The following PCED1B variants were observed in gnomAD, a reference collection of about 807,000 sequenced individuals.
PCED1B encodes PC-esterase domain-containing protein 1B.
For synonymous variants in PCED1B, 251 were observed against 246.1 expected (o/e 1.02, Z -0.19); for missense variants, 573 against 573.9 (o/e 1.00, Z 0.02).
At chr12:47,150,009 A>T (rs1442574519) in intron 2 of PCED1B, among the ~76,000 whole-genome samples, 1 of 152,236 alleles carries the variant, frequency 6.6e-6, no homozygotes, top group Non-Finnish European at 1.5e-5. Context: ...GATTAAGTCA[A>T]CAAATGTTTG....
intron 3 of PCED1B, among the ~76,000 whole-genome samples, chr12:47,232,173 G>A (rs576268278): frequency 6.6e-6 from 1 of 152,258 alleles, no homozygotes; most frequent in African/African-American, 2.4e-5. Flanking sequence ...AAAGGGATTT[G>A]GAGTTTGCTT....
At chr12:47,197,170 C>T (rs1302448033) in intron 2 of PCED1B, among the ~76,000 whole-genome samples, 47 of 124,346 alleles carry the variant, frequency 3.8e-4, no homozygotes, top group Admixed American at 2.0e-4. Context: ...ACTTGGGAGG[C>T]GGAGGTTGCA....
At chr12:47,127,766 G>A (rs972454025) in intron 2 of PCED1B, among the ~76,000 whole-genome samples, 1 of 152,180 alleles carries the variant, frequency 6.6e-6, no homozygotes, top group African/African-American at 2.4e-5. Context: ...GGCTTAGAAT[G>A]TTGCCTATCA....
chr12:47,134,859 T>C (rs1450799473), intron 2 of PCED1B, among the ~76,000 whole-genome samples: 1 of 152,196 alleles, frequency 6.6e-6, no homozygotes, highest in African/African-American at 2.4e-5. Context: ...AGAGTGAGAC[T>C]CTATCTCAAA....
chr12:47,114,080 T>C (rs982891820), intron 2 of PCED1B, among the ~76,000 whole-genome samples: 4 of 152,196 alleles, frequency 2.6e-5, no homozygotes, highest in African/African-American at 9.7e-5. Flanking sequence ...AGGACTTAGA[T>C]AATTGACTAC....
intron 3 of PCED1B, among the ~76,000 whole-genome samples, chr12:47,227,236 A>G (rs1943659036): frequency 6.6e-6 from 1 of 151,986 alleles, no homozygotes; most frequent in Non-Finnish European, 1.5e-5. Flanking sequence ...AGATGGCAAG[A>G]TCTCGGCTCA....
chr12:47,147,035 C>G (rs4529959), intron 2 of PCED1B, among the ~76,000 whole-genome samples: 66,661 of 132,634 alleles, frequency 0.5, 18,441 homozygotes, highest in Non-Finnish European at 0.61. Flanking sequence ...GAGTCTTGCT[C>G]TGTTGCCCAG....
Position 47,235,077 on chromosome 12 carries a change from G to C in PCED1B, c.14G>C (p.Arg5Pro). The C allele has an allele frequency of 6.6e-7, 1 of 1,525,892 alleles. No homozygotes were observed. The highest frequency in any genetic ancestry group is 1.3e-5 in the South Asian group (1 of 76,006). The allele number at this position is 1,525,892 out of a possible 1,614,324, so 94.5% of individuals were successfully genotyped here. The change falls in exon 4 of 4, where the codon CGG (arginine) becomes CCG (proline). Residue 5 changes from arginine to proline, a missense_variant. Coordinates refer to ENST00000546455, the MANE Select transcript of PCED1B (RefSeq NM_138371.3). ...GCCCTGGGCGTCATGATCCTTCTGC[G>C]GGCCTCCGAAGTGCGGCAGCTGCTT... is the stretch of plus-strand genomic sequence containing the variant. The part of the protein sequence containing the change: MILL[R>P]ASEVRQLLHN...
In PCED1B at chr12:47,192,161, C is replaced by CTT. The variant is rs145687998; in HGVS notation, c.-525-24051_-525-24050dup. Among the ~76,000 whole-genome samples the CTT allele has an allele frequency of 5.9e-3, 776 of 130,488 alleles. 28 individuals carry two copies. Among genetic ancestry groups the CTT allele is most frequent in the African/African-American group, 0.018 (618 of 33,736 alleles). 85.6% of individuals were successfully genotyped at this position (130,488 alleles called of 152,430 possible). ...AACTATTTCAAAAATGGAGGCTACG[C>CTT]TTTTTTTTTTTGTTTTTTTTTTTTT... On this transcript the variant is annotated intron_variant, in intron 2 of 3. Transcript: ENST00000546455.
chr12:47,229,081 G>C (rs1226283877), intron 3 of PCED1B, among the ~76,000 whole-genome samples: 2 of 151,800 alleles, frequency 1.3e-5, no homozygotes, highest in African/African-American at 2.4e-5. Context: ...AACTTCTTAA[G>C]TATGGGTTGA....
At chr12:47,173,116 C>G (rs145259200) in intron 2 of PCED1B, among the ~76,000 whole-genome samples, 88 of 152,288 alleles carry the variant, frequency 5.8e-4, no homozygotes, top group African/African-American at 2.1e-3. Flanking sequence ...CACAGAATGA[C>G]CTATCAGGCA....
At chr12:47,203,963 T>C (rs1395753804) in intron 2 of PCED1B, among the ~76,000 whole-genome samples, 1 of 152,222 alleles carries the variant, frequency 6.6e-6, no homozygotes, top group Non-Finnish European at 1.5e-5. Flanking sequence ...TTCTTTTGTG[T>C]AAAAGCATTC....
In PCED1B at chr12:47,236,601, C is replaced by T. The variant is rs1261603069; in HGVS notation, c.*239C>T. ...TGACCCAGCGTTATTCCTGCCTCCT[C>T]ACTCCTATTCTCTTTGCCTTTGTGT... On this transcript the variant is annotated 3_prime_UTR_variant, in exon 4 of 4. Coordinates refer to ENST00000546455, the MANE Select transcript of PCED1B (RefSeq NM_138371.3). 11 of 451,268 alleles carry T rather than the reference C, an allele frequency of 2.4e-5. No homozygotes were observed. The highest frequency in any genetic ancestry group is 2.4e-4 in the Admixed American group (6 of 25,246). The allele number at this position is 451,268 out of a possible 1,614,324, so 28.0% of individuals were successfully genotyped here. A position where few individuals can be genotyped will look rare whatever the true frequency, so the allele number is the denominator to read the frequency against.
chr12:47,153,765 G>A (rs866178353), intron 2 of PCED1B, among the ~76,000 whole-genome samples: 2 of 152,038 alleles, frequency 1.3e-5, no homozygotes, highest in Admixed American at 6.6e-5. Context: ...TAAATAATAT[G>A]TATGTCTCTG....
intron 2 of PCED1B, among the ~76,000 whole-genome samples, chr12:47,123,415 G>T (rs928600811): frequency 6.6e-6 from 1 of 151,950 alleles, no homozygotes; most frequent in Admixed American, 6.6e-5. Context: ...TTCAAACAAA[G>T]GTGCTTAATT....
intron 2 of PCED1B, among the ~76,000 whole-genome samples, chr12:47,205,331 GT>G (rs1214817983): frequency 6.6e-6 from 1 of 152,180 alleles, no homozygotes; most frequent in Non-Finnish European, 1.5e-5. Flanking sequence ...CTGATCTTAG[GT>G]TTTATTATAG....
At chr12:47,162,930 TA>T (rs1941433488) in intron 2 of PCED1B, among the ~76,000 whole-genome samples, 1 of 152,218 alleles carries the variant, frequency 6.6e-6, no homozygotes, top group African/African-American at 2.4e-5. Context: ...TAAGATTGCC[TA>T]TGAATTTTAG....
intron 1 of PCED1B, among the ~76,000 whole-genome samples, chr12:47,100,230 A>T (rs1938644052): frequency 6.6e-6 from 1 of 152,234 alleles, no homozygotes; most frequent in Admixed American, 6.5e-5. Context: ...CTCAAAAGTC[A>T]TATATGGAAA....
intron 3 of PCED1B, among the ~76,000 whole-genome samples, chr12:47,219,040 C>T (rs1451753863): frequency 6.6e-6 from 1 of 152,088 alleles, no homozygotes; most frequent in East Asian, 1.9e-4. Flanking sequence ...ATTCCGGAGA[C>T]TGAGGCAGGA....
Sources: gnomAD v4.1 joint callset for allele counts (sites outside exome capture counted in the v4.1 genomes callset) on GRCh38, gnomAD v4.1.1 for gene constraint, MANE v1.5 for transcripts, NCBI Gene and HGNC (gene_info 2026-07-23, HGNC 2026-07-21) for gene names.